Variants in NPAS3 observed in about 807,000 individuals in gnomAD.
The protein encoded by NPAS3 is neuronal PAS domain protein 3.
NPAS3 carries 14 observed loss-of-function variants against 73.1 expected under a neutral mutation model. That is an observed-to-expected ratio of 0.19 (90% CI 0.13 to 0.30). NPAS3 has a LOEUF of 0.30. NPAS3 is among the 10% of genes least tolerant of loss of function. NPAS3 has a pLI of 1.00. For missense variants in NPAS3, 1,096 were observed against 1,250.0 expected, an observed-to-expected ratio of 0.88 and a Z score of 1.86; for synonymous variants, 620 against 541.5, an observed-to-expected ratio of 1.14 and a Z score of -2.01.
At chr14:33,648,240 A>G (rs61521751) in intron 5 of NPAS3, among the ~76,000 whole-genome samples, 7 of 152,328 alleles carry the variant, frequency 4.6e-5, no homozygotes, top group African/African-American at 1.4e-4. Context: ...AGCTGCTATC[A>G]TGGGTGTGAC....
chr14:33,024,126 A>G (rs959476393), intron 1 of NPAS3, among the ~76,000 whole-genome samples: 3 of 144,482 alleles, frequency 2.1e-5, no homozygotes, highest in South Asian at 2.2e-4. Flanking sequence ...GTGTATATAT[A>G]TGTGTGTGTG....
intron 5 of NPAS3, among the ~76,000 whole-genome samples, chr14:33,571,445 A>G (rs113701851): frequency 1.2e-3 from 184 of 152,250 alleles, no homozygotes; most frequent in African/African-American, 4.2e-3. Context: ...AGCAGATGCT[A>G]CCCTGAACTA....
intron 3 of NPAS3, among the ~76,000 whole-genome samples, chr14:33,289,857 C>G (rs1345455198): frequency 6.6e-6 from 1 of 151,882 alleles, no homozygotes; most frequent in African/African-American, 2.4e-5. Flanking sequence ...GTCTTTACCC[C>G]AGAAATTGGC....
At chr14:33,406,745 G>A (rs150134768) in intron 4 of NPAS3, among the ~76,000 whole-genome samples, 153 of 152,174 alleles carry the variant, frequency 1.0e-3, no homozygotes, top group Middle Eastern at 6.8e-3. Context: ...TCAAATCTGG[G>A]GTGGGGAGAG....
At chr14:32,971,955 T>C (rs75870461) in intron 1 of NPAS3, among the ~76,000 whole-genome samples, 2 of 149,768 alleles carry the variant, frequency 1.3e-5, no homozygotes, top group Admixed American at 6.7e-5. Context: ...TTTTTTTTTT[T>C]TTGAGATGGA....
At chr14:33,201,882 T>C (rs1033393313) in intron 2 of NPAS3, among the ~76,000 whole-genome samples, 2 of 152,174 alleles carry the variant, frequency 1.3e-5, no homozygotes, top group African/African-American at 2.4e-5. Context: ...ACAGTTGGGA[T>C]CAATGTTACT....
intron 2 of NPAS3, among the ~76,000 whole-genome samples, chr14:33,104,083 A>G (rs1275492067): frequency 2.0e-5 from 3 of 152,198 alleles, no homozygotes; most frequent in Non-Finnish European, 4.4e-5. Context: ...ATGCTGTAAA[A>G]AAAATCTGTA....
intron 4 of NPAS3, among the ~76,000 whole-genome samples, chr14:33,449,631 G>GCACA (rs35853342): frequency 2.3e-4 from 34 of 148,644 alleles, no homozygotes; most frequent in Middle Eastern, 3.5e-3. Flanking sequence ...GCACACACAT[G>GCACA]CACACACACA....
intron 2 of NPAS3, among the ~76,000 whole-genome samples, chr14:33,088,501 G>A (rs1023921501): frequency 4.6e-5 from 7 of 152,206 alleles, no homozygotes; most frequent in African/African-American, 1.2e-4. Context: ...AGGGGTGCCC[G>A]CCATTGCTGA....
intron 4 of NPAS3, among the ~76,000 whole-genome samples, chr14:33,398,407 TAAAA>T (rs57064212): frequency 7.0e-6 from 1 of 142,836 alleles, no homozygotes; most frequent in Non-Finnish European, 1.5e-5. Context: ...TATTTTCCTT[TAAAA>T]AAAAAAAAAA....
chr14:32,987,052 A>T (rs2038128780), intron 1 of NPAS3, among the ~76,000 whole-genome samples: 2 of 152,154 alleles, frequency 1.3e-5, no homozygotes, highest in Non-Finnish European at 2.9e-5. Flanking sequence ...CCAGTCAGGG[A>T]TGAAAACGTC....
chr14:33,054,854 C>T (rs950900747), intron 1 of NPAS3, among the ~76,000 whole-genome samples: 3 of 152,052 alleles, frequency 2.0e-5, no homozygotes, highest in Non-Finnish European at 2.9e-5. Flanking sequence ...CCTCGTGATC[C>T]GCCTGCCTCG....
chr14:33,738,730 C>A (rs1375904907), intron 7 of NPAS3, among the ~76,000 whole-genome samples: 2 of 152,136 alleles, frequency 1.3e-5, no homozygotes, highest in Non-Finnish European at 2.9e-5. Flanking sequence ...AGCATGTTAT[C>A]CGGACCAGCC....
At chr14:33,102,169 C>T (rs1234961419) in intron 2 of NPAS3, among the ~76,000 whole-genome samples, 1 of 152,088 alleles carries the variant, frequency 6.6e-6, no homozygotes, top group African/African-American at 2.4e-5. Context: ...GGTCACCTGC[C>T]GTTGGGACTT....
chr14:33,024,106 G>GTA (rs1356290513), intron 1 of NPAS3, among the ~76,000 whole-genome samples: 6 of 150,980 alleles, frequency 4.0e-5, no homozygotes, highest in African/African-American at 1.5e-4. Flanking sequence ...ATATGTGTGT[G>GTA]TATATATATG....
At chr14:33,388,870 G>A (rs1187752512) in intron 4 of NPAS3, among the ~76,000 whole-genome samples, 1 of 152,268 alleles carries the variant, frequency 6.6e-6, no homozygotes, top group African/African-American at 2.4e-5. Flanking sequence ...CGTGAATTAA[G>A]TAATATAATC....
chr14:33,072,125 A>G (rs573517883), intron 2 of NPAS3, among the ~76,000 whole-genome samples: 160 of 152,314 alleles, frequency 1.1e-3, no homozygotes, highest in African/African-American at 3.8e-3. Flanking sequence ...TCCTGATCTC[A>G]GGTGATCCGC....
chr14:33,320,050 G>T (rs1337822730), intron 3 of NPAS3, among the ~76,000 whole-genome samples: 1 of 152,144 alleles, frequency 6.6e-6, no homozygotes, highest in Non-Finnish European at 1.5e-5. Context: ...GGTCAATCGG[G>T]AAGGAGTTTG....
intron 6 of NPAS3, among the ~76,000 whole-genome samples, chr14:33,687,563 G>C (rs1276952823): frequency 6.6e-6 from 1 of 152,174 alleles, no homozygotes; most frequent in Non-Finnish European, 1.5e-5. Flanking sequence ...AGTGTCAATT[G>C]ATTGCCCGCA....
Sources: allele counts gnomAD v4.1 joint callset (sites outside exome capture counted in the v4.1 genomes callset), GRCh38; gene constraint gnomAD v4.1.1; transcripts MANE v1.5; gene names NCBI Gene and HGNC (gene_info 2026-07-23, HGNC 2026-07-21).